FAT3: variants seen among roughly 807,000 people sequenced by gnomAD.
FAT3 encodes the protein FAT atypical cadherin 3, also known as protocadherin Fat 3.
In FAT3, 95 loss-of-function variants were observed where a neutral mutation model predicts 310.2. The observed-to-expected ratio is 0.31, with a 90% CI of 0.26 to 0.36. The LOEUF is 0.36. FAT3 is among the 10% of genes least tolerant of loss of function. The pLI is 1.00. For synonymous variants in FAT3, 2,314 were observed against 2,192.9 expected, an observed-to-expected ratio of 1.06 and a Z score of -1.54; for missense variants, 5,408 against 5,715.6, an observed-to-expected ratio of 0.95 and a Z score of 1.74.
intron 4 of FAT3, among the ~76,000 whole-genome samples, chr11:92,715,125 G>A (rs1464126088): frequency 6.6e-6 from 1 of 151,876 alleles, no homozygotes; most frequent in South Asian, 2.1e-4. Context: ...AATTAAATTG[G>A]CCGGGTGCGT....
intron 2 of FAT3, among the ~76,000 whole-genome samples, chr11:92,476,190 G>A (rs529537339): frequency 7.2e-5 from 11 of 152,008 alleles, no homozygotes; most frequent in African/African-American, 1.5e-4. Flanking sequence ...CTTGGGATAC[G>A]CATATCAAGA....
intron 4 of FAT3, among the ~76,000 whole-genome samples, chr11:92,746,413 C>T (rs917441643): frequency 6.6e-6 from 1 of 152,150 alleles, no homozygotes; most frequent in Non-Finnish European, 1.5e-5. Flanking sequence ...ATATGAGAAA[C>T]CGCGCCCATG....
chr11:92,648,114 G>A (rs1376659420), intron 3 of FAT3, among the ~76,000 whole-genome samples: 1 of 152,164 alleles, frequency 6.6e-6, no homozygotes, highest in Non-Finnish European at 1.5e-5. Context: ...TCCTTCTGGA[G>A]ATTTGGTCTC....
intron 2 of FAT3, among the ~76,000 whole-genome samples, chr11:92,523,133 G>C (rs1251783906): frequency 6.6e-6 from 1 of 152,110 alleles, no homozygotes; most frequent in East Asian, 1.9e-4. Context: ...CATTCAATCA[G>C]TGAACACACA....
intron 1 of FAT3, among the ~76,000 whole-genome samples, chr11:92,316,648 T>C (rs1027931247): frequency 1.3e-5 from 2 of 152,162 alleles, no homozygotes; most frequent in African/African-American, 4.8e-5. Flanking sequence ...CAAGAATAAA[T>C]TGCTGCTGGA....
chr11:92,426,943 T>C (rs983348350), intron 2 of FAT3, among the ~76,000 whole-genome samples: 32 of 152,322 alleles, frequency 2.1e-4, no homozygotes, highest in African/African-American at 7.5e-4. Flanking sequence ...GGGTATAGCA[T>C]TGAACCTATA....
At chr11:92,283,815 C>A (rs900801191) in intron 1 of FAT3, among the ~76,000 whole-genome samples, 6 of 152,042 alleles carry the variant, frequency 3.9e-5, no homozygotes, top group African/African-American at 1.4e-4. Context: ...TGTGTTAGTG[C>A]ACCTTGAGAT....
intron 3 of FAT3, among the ~76,000 whole-genome samples, chr11:92,650,202 A>G (rs1425958743): frequency 6.6e-6 from 1 of 151,732 alleles, no homozygotes; most frequent in Admixed American, 6.6e-5. Flanking sequence ...CAGAGAGGGG[A>G]CACTGGCTGC....
At chr11:92,784,311 C>T (rs567756930) in intron 7 of FAT3, among the ~76,000 whole-genome samples, 1 of 152,348 alleles carries the variant, frequency 6.6e-6, no homozygotes, top group Admixed American at 6.5e-5. Context: ...GAGGAGAATA[C>T]AAGGGGCTTC....
chr11:92,722,310 A>G (rs2135976566), intron 4 of FAT3, among the ~76,000 whole-genome samples: 1 of 152,322 alleles, frequency 6.6e-6, no homozygotes, highest in East Asian at 1.9e-4. Context: ...TGGAACAGTC[A>G]AATCTTAAAG....
intron 3 of FAT3, among the ~76,000 whole-genome samples, chr11:92,581,543 C>G (rs1020204513): frequency 6.6e-6 from 1 of 151,992 alleles, no homozygotes; most frequent in African/African-American, 2.4e-5. Context: ...GATTTTTACC[C>G]CTTCTTATGC....
intron 2 of FAT3, among the ~76,000 whole-genome samples, chr11:92,477,742 T>C (rs1190824158): frequency 6.6e-5 from 10 of 152,310 alleles, no homozygotes; most frequent in Admixed American, 4.6e-4. Context: ...CGAGTAAATA[T>C]CTAAGGTTGA....
chr11:92,695,974 T>C (rs2135902258), intron 3 of FAT3, among the ~76,000 whole-genome samples: 1 of 152,182 alleles, frequency 6.6e-6, no homozygotes, highest in East Asian at 1.9e-4. Flanking sequence ...GTATTGTACA[T>C]TTCAAAATTG....
intron 3 of FAT3, among the ~76,000 whole-genome samples, chr11:92,642,957 C>A (rs1343149629): frequency 6.6e-6 from 1 of 152,196 alleles, no homozygotes; most frequent in Non-Finnish European, 1.5e-5. Flanking sequence ...CCATCTCATT[C>A]AATTATCCTA....
intron 1 of FAT3, among the ~76,000 whole-genome samples, chr11:92,317,283 A>T: frequency 6.6e-6 from 1 of 152,122 alleles, no homozygotes; most frequent in East Asian, 1.9e-4. Context: ...GAATATTTAG[A>T]TTATTTTTTC....
intron 2 of FAT3, among the ~76,000 whole-genome samples, chr11:92,359,016 T>TA (rs1948808909): frequency 6.6e-6 from 1 of 152,132 alleles, no homozygotes; most frequent in Admixed American, 6.6e-5. Flanking sequence ...CTCTCAAACT[T>TA]AGAGTACACA....
chr11:92,379,398 G>A (rs919912900), intron 2 of FAT3, among the ~76,000 whole-genome samples: 4 of 152,168 alleles, frequency 2.6e-5, no homozygotes, highest in Non-Finnish European at 5.9e-5. Flanking sequence ...AGTTACTTTT[G>A]ATGGAGTTAT....
chr11:92,539,385 TG>T (rs1350741547), intron 3 of FAT3, among the ~76,000 whole-genome samples: 1 of 152,214 alleles, frequency 6.6e-6, no homozygotes, highest in Non-Finnish European at 1.5e-5. Context: ...TATATTTGCC[TG>T]CATATGTTTA....
At chr11:92,485,861 A>G (rs1177030054) in intron 2 of FAT3, among the ~76,000 whole-genome samples, 2 of 152,124 alleles carry the variant, frequency 1.3e-5, no homozygotes, top group Admixed American at 1.3e-4. Context: ...TGATTGGGCA[A>G]CTGGGTAATT....
Sources: allele counts gnomAD v4.1 joint callset (sites outside exome capture counted in the v4.1 genomes callset), GRCh38; gene constraint gnomAD v4.1.1; transcripts MANE v1.5; gene names NCBI Gene and HGNC (gene_info 2026-07-23, HGNC 2026-07-21).